FRAS1: variants seen among roughly 807,000 people sequenced by gnomAD.
The protein encoded by FRAS1 is extracellular matrix organizing protein FRAS1.
In FRAS1, 290 loss-of-function variants were observed where a neutral mutation model predicts 435.2. The observed-to-expected ratio is 0.67, with a 90% CI of 0.61 to 0.73. The LOEUF (loss-of-function observed/expected upper bound fraction) is 0.73. Among genes scored for constraint, FRAS1 ranks in the 30% least tolerant of loss-of-function variants. The probability of loss-of-function intolerance (pLI) is 0.00; values close to 1 mark genes in which losing one functional copy is unlikely to be tolerated. For synonymous variants in FRAS1, 1,800 were observed against 1,851.0 expected, an observed-to-expected ratio of 0.97 and a Z score of 0.71; for missense variants, 4,860 against 5,001.5, an observed-to-expected ratio of 0.97 and a Z score of 0.85.
chr4:78,448,527 A>C (rs188255003), intron 44 of FRAS1, among the ~76,000 whole-genome samples: 32 of 152,308 alleles, frequency 2.1e-4, no homozygotes, highest in African/African-American at 7.7e-4. Context: ...TCTTTGGACC[A>C]AATGCTTATG....
At chr4:78,403,285 C>G (rs1049217357) in intron 30 of FRAS1, among the ~76,000 whole-genome samples, 3 of 152,084 alleles carry the variant, frequency 2.0e-5, no homozygotes, top group African/African-American at 7.2e-5. Flanking sequence ...TTTTTTTAAG[C>G]AGATAAAATT....
intron 18 of FRAS1, among the ~76,000 whole-genome samples, chr4:78,328,063 G>A (rs373164592): frequency 1.6e-4 from 24 of 152,186 alleles, no homozygotes; most frequent in African/African-American, 3.1e-4. Flanking sequence ...TCATGGCAAC[G>A]TTCATTGAGC....
intron 47 of FRAS1, among the ~76,000 whole-genome samples, chr4:78,457,335 G>C (rs529659349): frequency 6.6e-6 from 1 of 152,268 alleles, no homozygotes; most frequent in African/African-American, 2.4e-5. Flanking sequence ...GCAGTGGCAG[G>C]GGGTACCAGA....
chr4:78,451,539 T>G (rs959539), intron 45 of FRAS1, among the ~76,000 whole-genome samples: 101,394 of 152,054 alleles, frequency 0.67, 34,496 homozygotes, highest in Non-Finnish European at 0.74. Flanking sequence ...CCATGAGAAA[T>G]GTCACTTGGG....
chr4:78,135,202 T>G (rs1560543115), intron 2 of FRAS1, among the ~76,000 whole-genome samples: 1 of 152,240 alleles, frequency 6.6e-6, no homozygotes, highest in Non-Finnish European at 1.5e-5. Context: ...AGTATTTATT[T>G]CTAAAACTCT....
intron 15 of FRAS1, among the ~76,000 whole-genome samples, chr4:78,311,703 C>G (rs1398283703): frequency 2.0e-5 from 3 of 152,256 alleles, no homozygotes; most frequent in Non-Finnish European, 4.4e-5. Context: ...GTTCACTCAT[C>G]TCCACATCCT....
chr4:78,059,435 AG>A (rs1739640979), intron 1 of FRAS1, among the ~76,000 whole-genome samples: 1 of 151,918 alleles, frequency 6.6e-6, no homozygotes, highest in Non-Finnish European at 1.5e-5. Flanking sequence ...GGGCCTGTGC[AG>A]CCTTCTCCCA....
chr4:78,118,000 G>C (rs1436034380), intron 2 of FRAS1, among the ~76,000 whole-genome samples: 1 of 152,172 alleles, frequency 6.6e-6, no homozygotes, highest in Non-Finnish European at 1.5e-5. Flanking sequence ...ACGAACAGAT[G>C]GGGTTTTGGT....
At chr4:78,380,051 A>T in intron 27 of FRAS1, 55 bp downstream of exon 27, 1 of 1,577,468 alleles carries the variant, frequency 6.3e-7, no homozygotes, top group Non-Finnish European at 8.6e-7. Context: ...TTGCTTTTCC[A>T]CTCCTCCACC....
In FRAS1 at chr4:78,150,711, C is replaced by T. The variant is rs191442993; in HGVS notation, c.108+84695C>T. Among the ~76,000 whole-genome samples the T allele has an allele frequency of 1.9e-3, 296 of 152,260 alleles. 1 individual carries two copies. Among genetic ancestry groups the T allele is most frequent in the African/African-American group, 6.5e-3 (272 of 41,558 alleles). On this transcript the variant is annotated intron_variant, in intron 2 of 73. Transcript: ENST00000512123. Reference sequence around the variant, plus strand: ...ACTGGGGGAAACTAGCTTGTAAAGACAGCAAGTCTTTATACAAATTCCAAA... The same window carrying T: ...ACTGGGGGAAACTAGCTTGTAAAGATAGCAAGTCTTTATACAAATTCCAAA...
intron 2 of FRAS1, among the ~76,000 whole-genome samples, chr4:78,105,756 G>A (rs1021627563): frequency 7.2e-5 from 11 of 151,982 alleles, no homozygotes; most frequent in African/African-American, 2.4e-4. Context: ...CAAGATGGCC[G>A]AATAGGAACA....
intron 2 of FRAS1, among the ~76,000 whole-genome samples, chr4:78,077,823 A>G (rs1293423780): frequency 1.3e-5 from 2 of 152,158 alleles, no homozygotes; most frequent in Admixed American, 1.3e-4. Context: ...TTGAGGAGGA[A>G]GAACTTTCTT....
chr4:78,541,110 G>A lies in FRAS1; in HGVS notation c.12025G>A (p.Gly4009Arg). The A allele has an allele frequency of 7.3e-7, 1 of 1,374,542 alleles. No individual in the cohort carries two copies. 85.1% of individuals were successfully genotyped at this position (1,374,542 alleles called of 1,614,324 possible). The stretch of plus-strand genomic sequence containing the variant: ...CAGAGTTCACAACAATTTACAAGAT[G>A]GAACAGAAGTTTAATGGAGGAGACC... ...EVRVHNNLQD[G>R]TEV Residue 4009 changes from glycine (G) to arginine (R), a missense_variant, in exon 74 of 74, where the codon GGA becomes AGA. Gly to Arg is a moderately radical substitution (Grantham distance 125). Coordinates refer to ENST00000512123, the MANE Select transcript of FRAS1 (RefSeq NM_025074.7).
intron 2 of FRAS1, among the ~76,000 whole-genome samples, chr4:78,230,294 A>G (rs1194188663): frequency 1.3e-5 from 2 of 152,240 alleles, no homozygotes; most frequent in Non-Finnish European, 2.9e-5. Context: ...GAAGTGGATC[A>G]CAATTTTGTT....
chr4:78,116,045 G>C (rs553062410), intron 2 of FRAS1, among the ~76,000 whole-genome samples: 9 of 152,228 alleles, frequency 5.9e-5, no homozygotes, highest in Admixed American at 1.3e-4. Context: ...GTTCTCATTG[G>C]TTTCAAAGAA....
chr4:78,215,349 C>G (rs2110089515), intron 2 of FRAS1, among the ~76,000 whole-genome samples: 1 of 152,220 alleles, frequency 6.6e-6, no homozygotes, highest in African/African-American at 2.4e-5. Context: ...GTGCATGCCA[C>G]CACGCACAGC....
chr4:78,475,430 G>T lies in FRAS1; in HGVS notation c.7683-8G>T, dbSNP rs760603718. The T allele has an allele frequency of 1.2e-6, 2 of 1,613,678 alleles. No homozygotes were observed. Among genetic ancestry groups the T allele is most frequent in the Non-Finnish European group, 1.7e-6 (2 of 1,179,726 alleles). ...TAGTTTAAGAGATGCCTTTTTGTGT[G>T]CTTCCAGCTACAATGTCAGTGAGAA... is the stretch of plus-strand genomic sequence containing the variant. On this transcript the variant is annotated splice_region_variant and splice_polypyrimidine_tract_variant and intron_variant, in intron 53 of 73. Transcript: ENST00000512123.
At chr4:78,096,765 G>A (rs535679778) in intron 2 of FRAS1, among the ~76,000 whole-genome samples, 47 of 152,322 alleles carry the variant, frequency 3.1e-4, no homozygotes, top group East Asian at 3.9e-4. Flanking sequence ...CCTGGCCCAC[G>A]AAACCACTTT....
intron 20 of FRAS1, chr4:78,338,057 T>C (rs1730246773): frequency 2.1e-6 from 1 of 472,820 alleles, no homozygotes; most frequent in Non-Finnish European, 3.9e-6. Flanking sequence ...CTCATATTAA[T>C]GAAGAATGAA....
Sources: allele counts gnomAD v4.1 joint callset (sites outside exome capture counted in the v4.1 genomes callset), GRCh38; gene constraint gnomAD v4.1.1; transcripts MANE v1.5; gene names NCBI Gene and HGNC (gene_info 2026-07-23, HGNC 2026-07-21).